Variants in CLIP3 observed in about 807,000 individuals in gnomAD.
CLIP3 encodes CAP-Gly domain containing linker protein 3.
A neutral mutation model predicts 59.4 loss-of-function variants in CLIP3; 15 were observed. That is an observed-to-expected ratio of 0.25 (90% CI 0.17 to 0.39). The LOEUF (loss-of-function observed/expected upper bound fraction) is 0.39, where lower values mean the gene tolerates loss of function less well. Ranked by LOEUF, CLIP3 falls within the 10% of genes least tolerant of loss-of-function variation. The probability of loss-of-function intolerance (pLI) is 1.00; values close to 1 mark genes in which losing one functional copy is unlikely to be tolerated. For missense variants in CLIP3, 495 were observed against 765.7 expected, an observed-to-expected ratio of 0.65 and a Z score of 4.17; for synonymous variants, 300 against 321.6, an observed-to-expected ratio of 0.93 and a Z score of 0.72.
intron 6 of CLIP3, among the ~76,000 whole-genome samples, chr19:36,025,147 G>C (rs1415539148): frequency 6.6e-6 from 1 of 152,066 alleles, no homozygotes; most frequent in Non-Finnish European, 1.5e-5. Context: ...CCCAGGGCTG[G>C]GGGTGTGTCA....
chr19:36,018,050 G>C (rs1364914400), intron 9 of CLIP3, 59 bp from the exon 10 acceptor site: 1 of 1,592,080 alleles, frequency 6.3e-7, no homozygotes, highest in East Asian at 2.2e-5. Flanking sequence ...TGGGAACCTC[G>C]TGCCACCTGG....
intron 7 of CLIP3, among the ~76,000 whole-genome samples, chr19:36,022,074 G>C (rs1431968514): frequency 1.3e-5 from 2 of 151,614 alleles, no homozygotes; most frequent in Non-Finnish European, 2.9e-5. Context: ...TAGAGACGAG[G>C]TTTCACCGGG....
Position 36,026,099 on chromosome 19 carries a change from G to T in CLIP3, c.681+48C>A. On this transcript the variant is annotated intron_variant, in intron 6 of 13. Coordinates refer to ENST00000360535, the MANE Select transcript of CLIP3 (RefSeq NM_015526.3). The surrounding 1 kb of genome is among the most constrained non-coding windows in gnomAD (Gnocchi z 6.3). The stretch of plus-strand genomic sequence containing the variant: ...AGAGACCTGCTGGAGGGAAGTGGGG[G>T]AGGAAGGGAGCAGGAGGGTAACGGG... The T allele has an allele frequency of 7.1e-7, 1 of 1,413,638 alleles. No individual in the cohort carries two copies. Among genetic ancestry groups the T allele is most frequent in the Non-Finnish European group, 1.0e-6 (1 of 1,001,224 alleles). 87.6% of individuals were successfully genotyped at this position (1,413,638 alleles called of 1,614,324 possible).
chr19:36,027,123 T>C lies in CLIP3; in HGVS notation c.306+9A>G, dbSNP rs112324981. The C allele has an allele frequency of 1.3e-5, 21 of 1,597,024 alleles. 1 individual carries two copies. In the African/African-American group the frequency reaches 1.3e-4, roughly 10 times the overall value. ...TCCCCTCTCCCCCTGGTTTCCCCAG[T>C]GTTCTCACCTCATTGCCGATGACGT... On this transcript the variant is annotated intron_variant, in intron 3 of 13. Transcript: ENST00000360535.
At chr19:36,020,482 TAATCCCAGC>T (rs1347752549) in intron 7 of CLIP3, among the ~76,000 whole-genome samples, 2 of 145,140 alleles carry the variant, frequency 1.4e-5, no homozygotes, top group Non-Finnish European at 2.9e-5. Context: ...TGCACGCCTG[TAATCCCAGC>T]TACTCGGGAG....
chr19:36,016,708 A>G lies in CLIP3; in HGVS notation c.1589+199T>C. 6.6e-6 allele frequency: 4 copies of G among 603,832 alleles called. No individual in the cohort carries two copies. Among genetic ancestry groups the G allele is most frequent in the Non-Finnish European group, 1.2e-5 (4 of 338,816 alleles). The allele number at this position is 603,832 out of a possible 1,614,324, so 37.4% of individuals were successfully genotyped here. ...GGTGTTCTGCTTCCTTTACCGGCCC[A>G]CCCGAAAGTGGAATTCACTAGAATT... is the stretch of plus-strand genomic sequence containing the variant. On this transcript the variant is annotated intron_variant, in intron 13 of 13. Coordinates refer to ENST00000360535, the MANE Select transcript of CLIP3 (RefSeq NM_015526.3). The surrounding 1 kb of genome is among the most constrained non-coding windows in gnomAD (Gnocchi z 4.1).
At chr19:36,031,026 T>TTTC (rs1350293832) in intron 2 of CLIP3, among the ~76,000 whole-genome samples, 2 of 98,336 alleles carry the variant, frequency 2.0e-5, no homozygotes, top group African/African-American at 5.4e-5. Flanking sequence ...TTTTTTTCTT[T>TTTC]TTTTTTTTTT....
chr19:36,025,033 T>A (rs1478260458), intron 6 of CLIP3, among the ~76,000 whole-genome samples: 1 of 148,612 alleles, frequency 6.7e-6, no homozygotes, highest in Non-Finnish European at 1.5e-5. Flanking sequence ...GCTACTGCAC[T>A]CCAGCCTGGG....
In CLIP3 at chr19:36,015,227, GAGTTAC is replaced by G. The variant is rs1968761096; in HGVS notation, c.*925_*930del. 6.6e-6 allele frequency: 1 copy of G among 152,222 alleles called. No homozygotes were observed. The highest frequency in any genetic ancestry group is 1.5e-5 in the Non-Finnish European group (1 of 68,016). 9.4% of individuals were successfully genotyped at this position (152,222 alleles called of 1,614,324 possible). A position where few individuals can be genotyped will look rare whatever the true frequency, so the allele number is the denominator to read the frequency against. ...GGATTCCATGATTTGGGGGTCCTAG[GAGTTAC>G]GGCATTGGGGTCTTCTAGGGGCTGT... On this transcript the variant is annotated 3_prime_UTR_variant, in exon 14 of 14. Coordinates refer to ENST00000360535, the MANE Select transcript of CLIP3 (RefSeq NM_015526.3).
chr19:36,027,815 G>A (rs567621490), intron 2 of CLIP3, among the ~76,000 whole-genome samples: 1 of 151,640 alleles, frequency 6.6e-6, no homozygotes, highest in African/African-American at 2.4e-5. Context: ...CAGGAGGATT[G>A]CTTGAGCCCA....
intron 9 of CLIP3, 102 bp downstream of exon 9, chr19:36,018,796 A>C (rs1968870295): frequency 6.8e-7 from 1 of 1,473,074 alleles, no homozygotes. Flanking sequence ...TGTCTTCCAA[A>C]ACTGGAGTTT....
chr19:36,025,127 A>C (rs1969066654), intron 6 of CLIP3, among the ~76,000 whole-genome samples: 1 of 151,140 alleles, frequency 6.6e-6, no homozygotes, highest in Non-Finnish European at 1.5e-5. Flanking sequence ...AGGGAAACCC[A>C]CCCCTGAGAC....
Position 36,024,617 on chromosome 19 carries a change from C to G in CLIP3, c.697G>C (p.Val233Leu). 6.2e-7 allele frequency: 1 copy of G among 1,614,136 alleles called. No homozygotes were observed. The highest frequency in any genetic ancestry group is 1.3e-5 in the African/African-American group (1 of 75,066). The change falls in exon 7 of 14, where the codon GTG (valine) becomes CTG (leucine). Residue 233 changes from valine to leucine, a missense_variant. Val to Leu is a conservative substitution (Grantham distance 32). This residue lies in a region of CLIP3 where 194 missense variants were observed against 327.8 expected (regional missense o/e 0.59). Transcript: ENST00000360535. ...NPALRNRKGQVPAEVVPDPMD... is the reference protein window; with the variant it reads ...NPALRNRKGQLPAEVVPDPMD... ...GGATCTGGGACCACCTCCGCCGGCACCTGTCCTTTTCGATTCTGGGGGCCA... is the reference window on the plus strand; with the variant it reads ...GGATCTGGGACCACCTCCGCCGGCAGCTGTCCTTTTCGATTCTGGGGGCCA...
chr19:36,026,746 C>T lies in CLIP3; in HGVS notation c.402G>A (p.Gly134=), dbSNP rs1280106645. ...YACKAGAHGV[G]DPAAAVRLSQ... Reference sequence around the variant, plus strand: ...AGAGGCGCACGGCTGCCGCGGGGTCCCCTGCGCGATAGGCCGGGTCAGCTT... The same window carrying T: ...AGAGGCGCACGGCTGCCGCGGGGTCTCCTGCGCGATAGGCCGGGTCAGCTT... Residue 134 remains glycine, a splice_region_variant and synonymous_variant, in exon 5 of 14, where the codon GGG becomes GGA. Coordinates refer to ENST00000360535, the MANE Select transcript of CLIP3 (RefSeq NM_015526.3). The surrounding 1 kb of genome is among the most constrained non-coding windows in gnomAD (Gnocchi z 6.3). The T allele has an allele frequency of 1.3e-6, 2 of 1,595,064 alleles. No homozygotes were observed. Among genetic ancestry groups the T allele is most frequent in the South Asian group, 1.1e-5 (1 of 89,678 alleles).
intron 12 of CLIP3, 126 bp from the exon 13 acceptor site, chr19:36,017,105 A>T (rs571389215): frequency 9.9e-7 from 1 of 1,010,966 alleles, no homozygotes; most frequent in Non-Finnish European, 1.5e-6. Flanking sequence ...CTACATTCCC[A>T]ATACCCATCT....
rs1568540443 is a variant in CLIP3, at chr19:36,019,594, A to ATTTTTTT, written c.919-289_919-288insAAAAAAA. On this transcript the variant is annotated intron_variant, in intron 7 of 13. Transcript: ENST00000360535. ...TAGGACAATGTAAATTTATTTATTT[A>ATTTTTTT]TTTATTTTATTTATTTTTTTTTTTT... is the stretch of plus-strand genomic sequence containing the variant. 5.3e-5 allele frequency among the ~76,000 whole-genome samples: 6 copies of ATTTTTTT among 113,982 alleles called. No individual in the cohort carries two copies. The South Asian group carries it at 7.7e-4, about 15-fold the overall frequency. The allele number at this position is 113,982 out of a possible 152,430, so 74.8% of individuals were successfully genotyped here.
chr19:36,018,930 C>G lies in CLIP3; in HGVS notation c.1151G>C (p.Arg384Pro), dbSNP rs146719789. The G allele has an allele frequency of 6.2e-7, 1 of 1,613,442 alleles. No individual in the cohort carries two copies. The highest frequency in any genetic ancestry group is 8.5e-7 in the Non-Finnish European group (1 of 1,179,692). Residue 384 changes from arginine (R) to proline (P), a missense_variant, in exon 9 of 14, where the codon CGT becomes CCT. Transcript: ENST00000360535. ...TTCCCTGCGGCCTTTGCCGGTGACA[C>G]GGGAGAAGTCCATCCGGGGGGTCCG... ...TPRTPRMDFS[R>P]VTGKGRREHK... is the part of the protein sequence containing the mutation.
At chr19:36,022,153 T>A (rs1388660207) in intron 7 of CLIP3, among the ~76,000 whole-genome samples, 2 of 152,190 alleles carry the variant, frequency 1.3e-5, no homozygotes, top group African/African-American at 4.8e-5. Flanking sequence ...GTGCTGGGAT[T>A]ACAGGCGTGA....
chr19:36,024,353 C>T (rs776633114), intron 7 of CLIP3, 43 bp downstream of exon 7: 2 of 1,495,186 alleles, frequency 1.3e-6, no homozygotes, highest in South Asian at 2.3e-5. Context: ...GGGGCTGAGT[C>T]CCACCCCCAC....
Sources: gnomAD v4.1 joint callset for allele counts (sites outside exome capture counted in the v4.1 genomes callset) on GRCh38, gnomAD v4.1.1 for gene constraint, gnomAD v4.1.1 regional missense constraint, Gnocchi (gnomAD v3.1) non-coding constraint, MANE v1.5 for transcripts, NCBI Gene and HGNC (gene_info 2026-07-23, HGNC 2026-07-21) for gene names.